DHX36: variants seen among roughly 807,000 people sequenced by gnomAD.
The protein encoded by DHX36 is ATP-dependent DNA/RNA helicase DHX36.
A neutral mutation model predicts 139.0 loss-of-function variants in DHX36; 50 were observed. The ratio of observed to expected loss-of-function variants is 0.36; its 90% CI spans 0.29 to 0.46. The LOEUF (loss-of-function observed/expected upper bound fraction) is 0.46. DHX36 is among the 20% of genes least tolerant of loss of function. The pLI, the probability that DHX36 is intolerant of heterozygous loss-of-function variation, is 1.00. For missense variants in DHX36, 1,024 were observed against 1,211.3 expected, an observed-to-expected ratio of 0.85 and a Z score of 2.29; for synonymous variants, 425 against 401.9, an observed-to-expected ratio of 1.06 and a Z score of -0.69.
intron 3 of DHX36, among the ~76,000 whole-genome samples, chr3:154,312,852 AATATATATATAT>A (rs67771264): frequency 0.067 from 2,653 of 39,706 alleles, 159 homozygotes; most frequent in Middle Eastern, 0.12. Flanking sequence ...AAATAATTAA[AATATATATATAT>A]ATATATATAT....
At chr3:154,307,986 A>G (rs1024636354) in intron 5 of DHX36, among the ~76,000 whole-genome samples, 1 of 152,160 alleles carries the variant, frequency 6.6e-6, no homozygotes, top group Non-Finnish European at 1.5e-5. Context: ...AAAAGACAAA[A>G]TATCATATTT....
chr3:154,313,090 A>G (rs1364731261), intron 3 of DHX36, among the ~76,000 whole-genome samples: 2 of 151,434 alleles, frequency 1.3e-5, no homozygotes, highest in South Asian at 2.1e-4. Flanking sequence ...TCTTGTAATA[A>G]TTTTTAAATT....
At chr3:154,311,773 C>A in intron 3 of DHX36, 99 bp from the exon 4 acceptor site, 2 of 844,832 alleles carry the variant, frequency 2.4e-6, no homozygotes, top group South Asian at 1.9e-5. Flanking sequence ...GGCTAGAATC[C>A]GAAAGTATTT....
intron 17 of DHX36, among the ~76,000 whole-genome samples, chr3:154,286,398 G>C (rs566403831): frequency 6.6e-6 from 1 of 151,336 alleles, no homozygotes; most frequent in Admixed American, 6.6e-5. Context: ...TTGAATAAGG[G>C]GACTTTACAG....
chr3:154,302,200 G>T (rs188754062), intron 9 of DHX36, among the ~76,000 whole-genome samples: 80 of 152,192 alleles, frequency 5.3e-4, no homozygotes, highest in African/African-American at 1.9e-3. Flanking sequence ...CCTTAGCAAA[G>T]AAATAAAAAT....
At chr3:154,321,253 T>A (rs909105695) in intron 1 of DHX36, among the ~76,000 whole-genome samples, 1 of 152,210 alleles carries the variant, frequency 6.6e-6, no homozygotes, top group African/African-American at 2.4e-5. Flanking sequence ...CCTAACCTCA[T>A]CTCAATACAC....
At chr3:154,320,672 G>C (rs1376726302) in intron 1 of DHX36, among the ~76,000 whole-genome samples, 2 of 152,166 alleles carry the variant, frequency 1.3e-5, no homozygotes, top group Admixed American at 1.3e-4. Flanking sequence ...AGGCATAAAA[G>C]AGTCATCATT....
chr3:154,291,281 C>G (rs942025240), intron 15 of DHX36, among the ~76,000 whole-genome samples: 1 of 150,982 alleles, frequency 6.6e-6, no homozygotes, highest in Non-Finnish European at 1.5e-5. Context: ...TAAATTAAAA[C>G]AGCAATTCCA....
At chr3:154,289,855 C>T in intron 15 of DHX36, 29 bp from the exon 16 acceptor site, 1 of 1,355,072 alleles carries the variant, frequency 7.4e-7, no homozygotes, top group Non-Finnish European at 1.0e-6. Context: ...CAAAATGAAA[C>T]AAAGAGGGAC....
At position 154,272,613 on chromosome 3, in the gene DHX36, TTATA is replaced by T. The variant is rs1017029704; in HGVS notation, c.*3554_*3557del. On this transcript the variant is annotated 3_prime_UTR_variant, in exon 25 of 25. Coordinates refer to ENST00000496811, the MANE Select transcript of DHX36 (RefSeq NM_020865.3). ...TTATATATAAAATAATACCTAAAGT[TTATA>T]TATATCAAAATGGAACAATGGTAAC... 2 of 151,342 alleles carry T rather than the reference TTATA, an allele frequency of 1.3e-5. No homozygotes were observed. The highest frequency in any genetic ancestry group is 6.6e-5 in the Admixed American group (1 of 15,146). 9.4% of individuals were successfully genotyped at this position (151,342 alleles called of 1,614,324 possible). A position where few individuals can be genotyped will look rare whatever the true frequency, so the allele number is the denominator to read the frequency against.
chr3:154,313,270 C>A (rs574534587), intron 3 of DHX36, among the ~76,000 whole-genome samples: 3 of 152,066 alleles, frequency 2.0e-5, no homozygotes, highest in Non-Finnish European at 4.4e-5. Flanking sequence ...GTCCAATATT[C>A]TTTCCCAAGG....
chr3:154,303,813 T>A (rs1031170329), intron 8 of DHX36, among the ~76,000 whole-genome samples: 1 of 152,210 alleles, frequency 6.6e-6, no homozygotes, highest in African/African-American at 2.4e-5. Context: ...GCACCCGGAA[T>A]TAGCGGAGAA....
At position 154,284,613 on chromosome 3, in the gene DHX36, A is replaced by G. The variant is rs1711503424; in HGVS notation, c.2262T>C (p.Ser754=). The stretch of plus-strand genomic sequence containing the variant: ...ACGCATTCACAACTGTTAAGTGATC[A>G]CTTCTAGTATCCTTTGCCAATTCCT... ...RRKELAKDTR[S]DHLTVVNAFE... is the part of the protein sequence containing the mutation. Residue 754 remains serine (S), a synonymous_variant, in exon 19 of 25, where the codon AGT becomes AGC. Transcript: ENST00000496811. The G allele has an allele frequency of 6.2e-7, 1 of 1,610,688 alleles. No homozygotes were observed. Among genetic ancestry groups the G allele is most frequent in the Non-Finnish European group, 8.5e-7 (1 of 1,178,980 alleles).
chr3:154,311,829 C>T (rs186211218), intron 3 of DHX36, 155 bp from the exon 4 acceptor site: 111 of 523,312 alleles, frequency 2.1e-4, no homozygotes, highest in African/African-American at 2.0e-3. Context: ...GAATAATTTA[C>T]CAATTCCTTT....
Position 154,324,177 on chromosome 3 carries a change from T to C in DHX36, c.240A>G (p.Gln80=), listed in dbSNP as rs1203784007. 5 of 1,610,792 alleles carry C rather than the reference T, an allele frequency of 3.1e-6. No individual in the cohort carries two copies. Among genetic ancestry groups the C allele is most frequent in the Non-Finnish European group, 8.5e-7 (1 of 1,178,090 alleles). ...QGQKNKEAER[Q]ERAVVHMDER... Reference sequence around the variant, plus strand: ...CCACTACTGAATCCGAGATTACCTCTTGCCTCTCCGCTTCCTTGTTCTTCT... The same window carrying C: ...CCACTACTGAATCCGAGATTACCTCCTGCCTCTCCGCTTCCTTGTTCTTCT... The change falls in exon 1 of 25, where the codon CAA becomes CAG. Residue 80 remains glutamine (Q), a synonymous_variant. Coordinates refer to ENST00000496811, the MANE Select transcript of DHX36 (RefSeq NM_020865.3).
At chr3:154,319,226 A>G (rs768993942) in intron 1 of DHX36, 2 of 152,054 alleles carry the variant, frequency 1.3e-5, no homozygotes, top group African/African-American at 2.4e-5. Flanking sequence ...ATTTTCTTTT[A>G]TCATAGAATT....
chr3:154,277,519 T>C (rs1719188175), intron 23 of DHX36, 79 bp downstream of exon 23: 3 of 1,410,414 alleles, frequency 2.1e-6, no homozygotes, highest in African/African-American at 2.9e-5. Context: ...ATTTTGTATA[T>C]AATTGTTAAA....
At chr3:154,282,327 T>C (rs1411285168) in intron 20 of DHX36, among the ~76,000 whole-genome samples, 1 of 152,138 alleles carries the variant, frequency 6.6e-6, no homozygotes, top group African/African-American at 2.4e-5. Flanking sequence ...TTTTTTCCTA[T>C]GGCAATAACT....
chr3:154,315,350 A>T, intron 2 of DHX36, 70 bp from the exon 3 acceptor site: 1 of 1,069,290 alleles, frequency 9.4e-7, no homozygotes. Flanking sequence ...AAACAAAACA[A>T]AACAATACGC....
Sources: allele counts gnomAD v4.1 joint callset (sites outside exome capture counted in the v4.1 genomes callset), GRCh38; gene constraint gnomAD v4.1.1; transcripts MANE v1.5; gene names NCBI Gene and HGNC (gene_info 2026-07-23, HGNC 2026-07-21).